Variants in KCND2 observed in about 807,000 individuals in gnomAD.
The protein encoded by KCND2 is A-type voltage-gated potassium channel KCND2.
A neutral mutation model predicts 54.4 loss-of-function variants in KCND2; 16 were observed. The ratio of observed to expected loss-of-function variants is 0.29; its 90% CI spans 0.20 to 0.45. KCND2 has a LOEUF of 0.45. KCND2 is among the 20% of genes least tolerant of loss of function. The pLI is 1.00. For missense variants in KCND2, 486 were observed against 824.2 expected, an observed-to-expected ratio of 0.59 and a Z score of 5.02; for synonymous variants, 317 against 310.7, an observed-to-expected ratio of 1.02 and a Z score of -0.21.
intron 1 of KCND2, among the ~76,000 whole-genome samples, chr7:120,328,001 A>G (rs1045544918): frequency 4.6e-5 from 7 of 152,152 alleles, no homozygotes; most frequent in Non-Finnish European, 7.4e-5. Context: ...ATGAGCACCT[A>G]TCAAGCTCTA....
intron 1 of KCND2, among the ~76,000 whole-genome samples, chr7:120,638,614 G>T (rs2116526278): frequency 6.6e-6 from 1 of 152,184 alleles, no homozygotes; most frequent in East Asian, 1.9e-4. Context: ...GGATATGTGT[G>T]ATTTTCAATT....
Position 120,510,306 on chromosome 7 carries a change from A to T in KCND2, c.1116-222597A>T, listed in dbSNP as rs186625949. On this transcript the variant is annotated intron_variant, in intron 1 of 5. Transcript: ENST00000331113. Reference sequence around the variant, plus strand: ...CACTACTATTAGCTAAATTGTAGAGAAGAAGAAACTGACTCCAGAATGTTG... The same window carrying T: ...CACTACTATTAGCTAAATTGTAGAGTAGAAGAAACTGACTCCAGAATGTTG... 1.3e-3 allele frequency among the ~76,000 whole-genome samples: 193 copies of T among 152,258 alleles called. 1 individual carries two copies. Among genetic ancestry groups the T allele is most frequent in the Admixed American group, 0.013 (193 of 15,262 alleles).
intron 1 of KCND2, among the ~76,000 whole-genome samples, chr7:120,682,597 G>A (rs989031975): frequency 3.3e-5 from 5 of 152,030 alleles, no homozygotes; most frequent in Non-Finnish European, 5.9e-5. Context: ...AATGATTATT[G>A]AAAGACAGTG....
Position 120,745,807 on chromosome 7 carries a change from T to G in KCND2, c.1495T>G (p.Phe499Val). 1 of 1,613,778 alleles carries G rather than the reference T, an allele frequency of 6.2e-7. No homozygotes were observed. The highest frequency in any genetic ancestry group is 8.5e-7 in the Non-Finnish European group (1 of 1,179,786). Reference sequence around the variant, plus strand: ...TCACGAGTTTGTGGACGAACAAGTCTTTGAAGAAAGCTGCATGGAAGTTGC... The same window carrying G: ...TCACGAGTTTGTGGACGAACAAGTCGTTGAAGAAAGCTGCATGGAAGTTGC... ...TNHEFVDEQV[F>V]EESCMEVATV... Residue 499 changes from phenylalanine to valine, a missense_variant, in exon 5 of 6, where the codon TTT becomes GTT. Physicochemically the swap from Phe to Val is conservative, Grantham distance 50. Coordinates refer to ENST00000331113, the MANE Select transcript of KCND2 (RefSeq NM_012281.3).
intron 1 of KCND2, among the ~76,000 whole-genome samples, chr7:120,655,998 A>G (rs866006150): frequency 6.6e-6 from 1 of 152,156 alleles, no homozygotes; most frequent in East Asian, 1.9e-4. Context: ...GTTTAAAATT[A>G]TATTTAGTTC....
intron 1 of KCND2, among the ~76,000 whole-genome samples, chr7:120,718,978 T>A (rs1488715813): frequency 6.6e-6 from 1 of 152,124 alleles, no homozygotes. Flanking sequence ...CACTGGAAGA[T>A]CCTTTTGGGG....
At chr7:120,447,377 G>C (rs1414768535) in intron 1 of KCND2, among the ~76,000 whole-genome samples, 3 of 149,308 alleles carry the variant, frequency 2.0e-5, no homozygotes, top group Non-Finnish European at 3.0e-5. Context: ...AAAAAAAAAA[G>C]AAAAAGAAAA....
chr7:120,671,292 A>G (rs979199269), intron 1 of KCND2, among the ~76,000 whole-genome samples: 2 of 151,950 alleles, frequency 1.3e-5, no homozygotes, highest in African/African-American at 2.4e-5. Flanking sequence ...ACAGTTCACA[A>G]TTGGGTTTGC....
rs375105005 is a variant in KCND2 at position 120,589,993 on chromosome 7, G to A, written c.1116-142910G>A. Among the ~76,000 whole-genome samples, 16 of 152,146 alleles carry A rather than the reference G, an allele frequency of 1.1e-4. No individual in the cohort carries two copies. In the East Asian group the frequency reaches 2.7e-3, roughly 26 times the overall value. ...TATTCCTTAATTTTCACAAAGGCTC[G>A]TTATTTCCTTTTTTTGTTTTTGTTT... On this transcript the variant is annotated intron_variant, in intron 1 of 5. Coordinates refer to ENST00000331113, the MANE Select transcript of KCND2 (RefSeq NM_012281.3).
At position 120,405,576 on chromosome 7, in the gene KCND2, T is replaced by C. The variant is rs1227554634; in HGVS notation, c.1115+129829T>C. Among the ~76,000 whole-genome samples the C allele has an allele frequency of 2.0e-5, 3 of 152,126 alleles. No homozygotes were observed. In the East Asian group the frequency reaches 5.8e-4, roughly 29 times the overall value. On this transcript the variant is annotated intron_variant, in intron 1 of 5. Coordinates refer to ENST00000331113, the MANE Select transcript of KCND2 (RefSeq NM_012281.3). Reference sequence around the variant, plus strand: ...ATTTCCATGTATATTTCCATAAATGTTTCAAGTAAAAATGGGTAAATAAGC... The same window carrying C: ...ATTTCCATGTATATTTCCATAAATGCTTCAAGTAAAAATGGGTAAATAAGC...
At chr7:120,445,764 T>C (rs1269677767) in intron 1 of KCND2, among the ~76,000 whole-genome samples, 2 of 152,128 alleles carry the variant, frequency 1.3e-5, no homozygotes, top group African/African-American at 4.8e-5. Flanking sequence ...ATTATTTTTA[T>C]TATATATGAA....
chr7:120,661,173 G>C (rs901848592), intron 1 of KCND2, among the ~76,000 whole-genome samples: 1 of 151,468 alleles, frequency 6.6e-6, no homozygotes, highest in Non-Finnish European at 1.5e-5. Context: ...CACCCAAATG[G>C]ATCATCTGTA....
chr7:120,275,070 G>A lies in KCND2; in HGVS notation c.438G>A (p.Glu146=). ...AGGATCGCAGGCGAGAGAACGCCGA[G>A]CGCCTGCAGGACGACGCGGATACCG... ...EYKDRRRENA[E]RLQDDADTDT... is the part of the protein sequence containing the mutation. The change falls in exon 1 of 6, where the codon GAG becomes GAA. Residue 146 remains glutamate, a synonymous_variant. Transcript: ENST00000331113. 1.2e-6 allele frequency: 2 copies of A among 1,613,962 alleles called. No homozygotes were observed. The highest frequency in any genetic ancestry group is 1.7e-6 in the Non-Finnish European group (2 of 1,180,006).
At chr7:120,560,201 C>T (rs1447518710) in intron 1 of KCND2, among the ~76,000 whole-genome samples, 1 of 152,132 alleles carries the variant, frequency 6.6e-6, no homozygotes, top group Non-Finnish European at 1.5e-5. Flanking sequence ...TTAGTTTCCA[C>T]AGAAAAATAT....
At chr7:120,335,332 TG>T (rs1178236991) in intron 1 of KCND2, among the ~76,000 whole-genome samples, 1 of 115,272 alleles carries the variant, frequency 8.7e-6, no homozygotes, top group Non-Finnish European at 1.7e-5. Context: ...CACTCCAGCC[TG>T]GGCGACAGAG....
intron 1 of KCND2, among the ~76,000 whole-genome samples, chr7:120,639,849 G>A (rs1010441158): frequency 6.6e-6 from 1 of 151,864 alleles, no homozygotes; most frequent in Non-Finnish European, 1.5e-5. Context: ...ATTTTCCGTG[G>A]GTAGAATTTG....
chr7:120,472,219 TAATAAC>T (rs1802467602), intron 1 of KCND2, among the ~76,000 whole-genome samples: 1 of 151,756 alleles, frequency 6.6e-6, no homozygotes, highest in African/African-American at 2.4e-5. Flanking sequence ...AAAATGGAGA[TAATAAC>T]AGTAACAGTA....
chr7:120,576,417 A>G (rs981294792), intron 1 of KCND2, among the ~76,000 whole-genome samples: 2 of 152,250 alleles, frequency 1.3e-5, no homozygotes, highest in Non-Finnish European at 2.9e-5. Flanking sequence ...CTAAACATTT[A>G]GGTTGATTCC....
intron 1 of KCND2, among the ~76,000 whole-genome samples, chr7:120,477,114 A>T (rs1802544910): frequency 6.6e-6 from 1 of 152,200 alleles, no homozygotes; most frequent in Admixed American, 6.5e-5. Context: ...ATTTGTTTAG[A>T]AATGCTCTTA....
Sources: allele counts gnomAD v4.1 joint callset (sites outside exome capture counted in the v4.1 genomes callset), GRCh38; gene constraint gnomAD v4.1.1; transcripts MANE v1.5; gene names NCBI Gene and HGNC (gene_info 2026-07-23, HGNC 2026-07-21).